The following UNC5D variants were observed in gnomAD, a reference collection of about 807,000 sequenced individuals.
The protein encoded by UNC5D is unc-5 netrin receptor D, also known as netrin receptor UNC5D.
Under a neutral mutation model 105.4 loss-of-function variants are expected in UNC5D, and 39 were observed. The ratio of observed to expected loss-of-function variants is 0.37; its 90% confidence interval spans 0.29 to 0.48. The LOEUF (loss-of-function observed/expected upper bound fraction) is 0.48, where lower values mean the gene tolerates loss of function less well. Ranked by LOEUF, UNC5D falls within the 20% of genes least tolerant of loss-of-function variation. UNC5D has a pLI of 0.98. For missense variants in UNC5D, 991 were observed against 1,202.4 expected (o/e 0.82, Z 2.60); for synonymous variants, 452 against 450.4 (o/e 1.00, Z -0.04).
At chr8:35,364,144 T>A (rs1236618751) in intron 1 of UNC5D, among the ~76,000 whole-genome samples, 1 of 152,142 alleles carries the variant, frequency 6.6e-6, no homozygotes, top group Non-Finnish European at 1.5e-5. Flanking sequence ...TCAGCCTGGG[T>A]GACAGAGCGA....
At chr8:35,342,029 G>A (rs958674525) in intron 1 of UNC5D, among the ~76,000 whole-genome samples, 7 of 151,862 alleles carry the variant, frequency 4.6e-5, no homozygotes, top group African/African-American at 1.7e-4. Context: ...AAGTTTCCTT[G>A]GTAACAATCT....
intron 1 of UNC5D, among the ~76,000 whole-genome samples, chr8:35,436,537 T>A (rs1328997498): frequency 6.6e-6 from 1 of 152,060 alleles, no homozygotes; most frequent in Non-Finnish European, 1.5e-5. Flanking sequence ...TACCAAAAAC[T>A]GTGTATTTAG....
intron 1 of UNC5D, chr8:35,254,489 AAAGTTGAAGAGACAC>A (rs1249839519): frequency 6.6e-6 from 1 of 152,226 alleles, no homozygotes; most frequent in Admixed American, 6.5e-5. Context: ...AGATGCTAGA[AAAGTTGAAGAGACAC>A]ATATATGGTA....
chr8:35,380,151 C>T (rs1585708407), intron 1 of UNC5D, among the ~76,000 whole-genome samples: 1 of 105,542 alleles, frequency 9.5e-6, no homozygotes, highest in South Asian at 3.2e-4. Flanking sequence ...CAGACAGAGA[C>T]CGAGAGGGAG....
intron 1 of UNC5D, among the ~76,000 whole-genome samples, chr8:35,499,176 G>A (rs751641887): frequency 6.6e-6 from 1 of 152,162 alleles, no homozygotes; most frequent in Non-Finnish European, 1.5e-5. Flanking sequence ...CACCACAGGG[G>A]CAATTATGAT....
At chr8:35,441,405 A>G (rs1302163774) in intron 1 of UNC5D, among the ~76,000 whole-genome samples, 1 of 151,914 alleles carries the variant, frequency 6.6e-6, no homozygotes, top group Non-Finnish European at 1.5e-5. Flanking sequence ...ATAGGTATGT[A>G]TGTATAGGAA....
intron 1 of UNC5D, among the ~76,000 whole-genome samples, chr8:35,349,757 T>C (rs993964028): frequency 7.2e-5 from 11 of 152,042 alleles, no homozygotes; most frequent in Non-Finnish European, 7.4e-5. Flanking sequence ...TACTTCAATA[T>C]GCTGCAGGAT....
chr8:35,538,586 A>T (rs957919361), intron 1 of UNC5D, among the ~76,000 whole-genome samples: 3 of 151,804 alleles, frequency 2.0e-5, no homozygotes, highest in African/African-American at 7.2e-5. Flanking sequence ...GAAGAGAAAA[A>T]GGATCCATTG....
intron 1 of UNC5D, among the ~76,000 whole-genome samples, chr8:35,488,401 G>A (rs565823518): frequency 3.9e-5 from 6 of 152,320 alleles, no homozygotes; most frequent in African/African-American, 1.4e-4. Context: ...TGACCCAGAA[G>A]GTGATTTGGA....
At chr8:35,554,950 A>G (rs1444536918) in intron 2 of UNC5D, among the ~76,000 whole-genome samples, 1 of 152,204 alleles carries the variant, frequency 6.6e-6, no homozygotes, top group Admixed American at 6.5e-5. Context: ...GTGTCAAGAA[A>G]AGGGAGAAGA....
chr8:35,308,871 T>A (rs1808646670), intron 1 of UNC5D, among the ~76,000 whole-genome samples: 2 of 152,150 alleles, frequency 1.3e-5, no homozygotes, highest in African/African-American at 4.8e-5. Context: ...AAATTATGAT[T>A]ATTCCATGCC....
In UNC5D at chr8:35,568,182, G is replaced by A; in HGVS notation, c.407G>A (p.Cys136Tyr). 6.2e-7 allele frequency: 1 copy of A among 1,614,190 alleles called. No homozygotes were observed. The highest frequency in any genetic ancestry group is 8.5e-7 in the Non-Finnish European group (1 of 1,180,026). The change falls in exon 3 of 17, where the codon TGT (cysteine) becomes TAT (tyrosine). Residue 136 changes from cysteine (C) to tyrosine (Y), a missense_variant. Transcript: ENST00000404895. ...FHGPEDYWCQ[C>Y]VAWSHLGTSK... Reference sequence around the variant, plus strand: ...GGGCCCGAGGACTATTGGTGCCAGTGTGTGGCGTGGAGCCACCTGGGTACC... The same window carrying A: ...GGGCCCGAGGACTATTGGTGCCAGTATGTGGCGTGGAGCCACCTGGGTACC...
intron 4 of UNC5D, among the ~76,000 whole-genome samples, chr8:35,631,479 A>T (rs901514197): frequency 6.6e-6 from 1 of 152,192 alleles, no homozygotes; most frequent in African/African-American, 2.4e-5. Flanking sequence ...GGGCAGTATC[A>T]GTTGTCCTTT....
chr8:35,589,213 T>A (rs999312602), intron 3 of UNC5D, among the ~76,000 whole-genome samples: 1 of 152,216 alleles, frequency 6.6e-6, no homozygotes, highest in African/African-American at 2.4e-5. Context: ...TATTTAGCAC[T>A]TAATCTGAAT....
intron 2 of UNC5D, among the ~76,000 whole-genome samples, chr8:35,552,754 G>A (rs1406410047): frequency 6.6e-6 from 1 of 152,178 alleles, no homozygotes; most frequent in East Asian, 1.9e-4. Context: ...TGGGACCCAG[G>A]AGAGACCTAG....
intron 1 of UNC5D, among the ~76,000 whole-genome samples, chr8:35,371,735 A>G (rs1217365254): frequency 6.6e-6 from 1 of 152,118 alleles, no homozygotes; most frequent in Non-Finnish European, 1.5e-5. Flanking sequence ...CCCTCCTACA[A>G]TTCTGGGTCC....
intron 1 of UNC5D, among the ~76,000 whole-genome samples, chr8:35,336,811 T>C (rs1264699795): frequency 1.3e-5 from 2 of 152,060 alleles, no homozygotes; most frequent in Non-Finnish European, 2.9e-5. Context: ...TTTCTTTATT[T>C]TTAGTTTACT....
intron 4 of UNC5D, among the ~76,000 whole-genome samples, chr8:35,673,778 C>A (rs1408939217): frequency 6.6e-6 from 1 of 152,120 alleles, no homozygotes; most frequent in East Asian, 1.9e-4. Flanking sequence ...ACAGGAATAC[C>A]AGTCCCTTTT....
Position 35,713,048 on chromosome 8 carries a change from T to G in UNC5D, c.1117+7087T>G, listed in dbSNP as rs1030270057. ...ATATATATGTGCAACATTTGTATTT[T>G]TTTTTTACTATTTTCTATTTTTTAT... On this transcript the variant is annotated intron_variant, in intron 8 of 16. Transcript: ENST00000404895. 5.3e-5 allele frequency among the ~76,000 whole-genome samples: 8 copies of G among 152,330 alleles called. No individual in the cohort carries two copies. The South Asian group carries it at 1.2e-3, about 24-fold the overall frequency.
Sources: allele counts gnomAD v4.1 joint callset (sites outside exome capture counted in the v4.1 genomes callset), GRCh38; gene constraint gnomAD v4.1.1; transcripts MANE v1.5; gene names NCBI Gene and HGNC (gene_info 2026-07-23, HGNC 2026-07-21).